The following APBB2 variants were observed in gnomAD, a reference collection of about 807,000 sequenced individuals.
The protein encoded by APBB2 is Fe65-like 1.
A neutral mutation model predicts 82.5 loss-of-function variants in APBB2; 38 were observed. The observed-to-expected ratio is 0.46, with a 90% confidence interval of 0.36 to 0.60. The LOEUF is 0.60. APBB2 is among the 20% of genes least tolerant of loss of function. The pLI is 0.00. For missense variants in APBB2, 772 were observed against 972.3 expected, an observed-to-expected ratio of 0.79 and a Z score of 2.74; for synonymous variants, 341 against 368.2, an observed-to-expected ratio of 0.93 and a Z score of 0.85.
intron 3 of APBB2, among the ~76,000 whole-genome samples, chr4:41,081,503 T>C (rs1292802062): frequency 1.3e-5 from 2 of 152,260 alleles, no homozygotes; most frequent in Non-Finnish European, 2.9e-5. Context: ...GGTAAATTCA[T>C]AGCTAGCTAA....
intron 10 of APBB2, among the ~76,000 whole-genome samples, chr4:40,912,729 A>G (rs1412466494): frequency 6.6e-6 from 1 of 152,188 alleles, no homozygotes; most frequent in Non-Finnish European, 1.5e-5. Context: ...TCAAATGCCA[A>G]GCAAATCTGA....
chr4:40,882,528 A>T (rs944582833), intron 12 of APBB2, among the ~76,000 whole-genome samples: 12 of 152,216 alleles, frequency 7.9e-5, no homozygotes, highest in African/African-American at 2.4e-4. Flanking sequence ...AACTGATGCA[A>T]CTGGGATAAA....
intron 12 of APBB2, among the ~76,000 whole-genome samples, chr4:40,888,483 G>A (rs951920036): frequency 1.3e-5 from 2 of 152,126 alleles, no homozygotes; most frequent in African/African-American, 4.8e-5. Context: ...CGTATGTAAT[G>A]TAACAAGCTC....
At chr4:40,928,138 AC>A (rs1783104694) in intron 10 of APBB2, among the ~76,000 whole-genome samples, 1 of 152,220 alleles carries the variant, frequency 6.6e-6, no homozygotes, top group Admixed American at 6.5e-5. Flanking sequence ...GCAATCATCT[AC>A]AAAAGCCTTG....
intron 5 of APBB2, among the ~76,000 whole-genome samples, chr4:41,032,815 C>T (rs1215405599): frequency 6.2e-5 from 5 of 81,030 alleles, no homozygotes; most frequent in East Asian, 4.5e-4. Flanking sequence ...GACGGAGTTT[C>T]GCTCTGTCGC....
At chr4:41,122,546 A>G (rs1344238196) in intron 2 of APBB2, among the ~76,000 whole-genome samples, 1 of 152,060 alleles carries the variant, frequency 6.6e-6, no homozygotes, top group Non-Finnish European at 1.5e-5. Flanking sequence ...CTGGACTGAT[A>G]TGGATACCTG....
chr4:40,969,062 C>T (rs1795341987), intron 6 of APBB2, among the ~76,000 whole-genome samples: 1 of 152,210 alleles, frequency 6.6e-6, no homozygotes. Context: ...GATTGTGAGG[C>T]CTCCCCAGCC....
chr4:41,095,772 C>T (rs1311613467), intron 3 of APBB2, among the ~76,000 whole-genome samples: 1 of 152,156 alleles, frequency 6.6e-6, no homozygotes, highest in African/African-American at 2.4e-5. Context: ...TCTCCAGCCT[C>T]CAGTTTTCTC....
intron 12 of APBB2, chr4:40,857,279 T>C (rs566630310): frequency 1.3e-5 from 8 of 633,194 alleles, no homozygotes; most frequent in East Asian, 1.4e-4. Flanking sequence ...GTGCTCCCGC[T>C]AGGTGCTCCC....
chr4:40,869,497 AG>A (rs1047142247), intron 12 of APBB2, among the ~76,000 whole-genome samples: 4 of 151,970 alleles, frequency 2.6e-5, no homozygotes, highest in African/African-American at 9.7e-5. Context: ...CTGAGGTGGG[AG>A]GATCACTTAA....
chr4:40,886,162 T>C (rs1481530174), intron 12 of APBB2, among the ~76,000 whole-genome samples: 1 of 152,196 alleles, frequency 6.6e-6, no homozygotes, highest in Non-Finnish European at 1.5e-5. Context: ...GGGGAGTCCC[T>C]GTTCCAAGTT....
rs116421549 is a variant in APBB2 at position 40,940,107 on chromosome 4, C to G, written c.1044+4758G>C. Reference sequence around the variant, plus strand: ...GGCCCTGTGCACAGGATGAGGAGAACAGGTCCCGGCCACCAAGGAGCTTCC... The same window carrying G: ...GGCCCTGTGCACAGGATGAGGAGAAGAGGTCCCGGCCACCAAGGAGCTTCC... On this transcript the variant is annotated intron_variant, in intron 7 of 17. Transcript: ENST00000508593. Among the ~76,000 whole-genome samples the G allele has an allele frequency of 1.2e-3, 184 of 152,218 alleles. 1 individual carries two copies. Among genetic ancestry groups the G allele is most frequent in the African/African-American group, 4.2e-3 (176 of 41,550 alleles).
At chr4:41,113,042 A>G (rs1749767470) in intron 2 of APBB2, among the ~76,000 whole-genome samples, 1 of 152,156 alleles carries the variant, frequency 6.6e-6, no homozygotes. Context: ...CCAGATATTC[A>G]GCTCAACAGA....
chr4:41,128,298 AC>A (rs1397194242), intron 2 of APBB2, among the ~76,000 whole-genome samples: 1 of 152,188 alleles, frequency 6.6e-6, no homozygotes, highest in Admixed American at 6.5e-5. Context: ...GAGCAAAGGA[AC>A]ACTTCTATGC....
At chr4:40,863,246 T>G (rs1763211017) in intron 12 of APBB2, among the ~76,000 whole-genome samples, 1 of 152,212 alleles carries the variant, frequency 6.6e-6, no homozygotes, top group African/African-American at 2.4e-5. Context: ...CTCACAGCTA[T>G]GTGGATGTCA....
chr4:41,018,145 A>G (rs1810520659), intron 5 of APBB2, among the ~76,000 whole-genome samples: 1 of 152,132 alleles, frequency 6.6e-6, no homozygotes, highest in Non-Finnish European at 1.5e-5. Context: ...CATGTTAGGG[A>G]TTATCATAAT....
intron 4 of APBB2, 71 bp from the exon 5 acceptor site, chr4:41,033,375 A>C (rs1717804459): frequency 9.5e-7 from 1 of 1,054,402 alleles, no homozygotes; most frequent in Non-Finnish European, 1.3e-6. Context: ...AAAGCATAGC[A>C]GTGAAAATCT....
chr4:41,194,839 G>A lies in APBB2; in HGVS notation c.-417+19566C>T. Among the ~76,000 whole-genome samples, 384 of 151,880 alleles carry A rather than the reference G, an allele frequency of 2.5e-3. 1 individual carries two copies. The highest frequency in any genetic ancestry group is 7.6e-3 in the African/African-American group (314 of 41,366). On this transcript the variant is annotated intron_variant, in intron 1 of 17. Coordinates refer to ENST00000508593, the MANE Select transcript of APBB2 (RefSeq NM_004307.2). Reference sequence around the variant, plus strand: ...AAATCTAAGGAATACTCACTCACTCGTTTTTCTTTTTTTAATTTTTTCTTT... The same window carrying A: ...AAATCTAAGGAATACTCACTCACTCATTTTTCTTTTTTTAATTTTTTCTTT...
Position 40,848,712 on chromosome 4 carries a change from G to A in APBB2, c.1530-18135C>T, listed in dbSNP as rs751960928. Among the ~76,000 whole-genome samples the A allele has an allele frequency of 4.4e-5, 5 of 113,870 alleles. No homozygotes were observed. The East Asian group carries it at 7.4e-4, about 17-fold the overall frequency. The allele number at this position is 113,870 out of a possible 152,430, so 74.7% of individuals were successfully genotyped here. On this transcript the variant is annotated intron_variant, in intron 12 of 17. Coordinates refer to ENST00000508593, the MANE Select transcript of APBB2 (RefSeq NM_004307.2). ...TGCTTACAATTCCCAACCCCCACCCGCCCCACCGCCGCAAACTCCCTGCCT... is the reference window on the plus strand; with the variant it reads ...TGCTTACAATTCCCAACCCCCACCCACCCCACCGCCGCAAACTCCCTGCCT...
Sources: gnomAD v4.1 joint callset for allele counts (sites outside exome capture counted in the v4.1 genomes callset) on GRCh38, gnomAD v4.1.1 for gene constraint, MANE v1.5 for transcripts, NCBI Gene and HGNC (gene_info 2026-07-23, HGNC 2026-07-21) for gene names.